MRAP2: variants seen among roughly 807,000 people sequenced by gnomAD.
The protein encoded by MRAP2 is melanocortin 2 receptor accessory protein 2.
In MRAP2, 20 loss-of-function variants were observed where a neutral mutation model predicts 17.4. The ratio of observed to expected loss-of-function variants is 1.15; its 90% CI spans 0.81 to 1.67. The LOEUF is 1.67. Ranked by LOEUF, MRAP2 falls within the 40% of genes most tolerant of loss-of-function variation. The probability of loss-of-function intolerance (pLI) is 0.00; values close to 1 mark genes in which losing one functional copy is unlikely to be tolerated. For synonymous variants in MRAP2, 96 were observed against 88.4 expected (o/e 1.09, Z -0.48); for missense variants, 238 against 240.0 (o/e 0.99, Z 0.05).
chr6:84,085,279 C>T (rs1588661612), intron 3 of MRAP2, among the ~76,000 whole-genome samples: 1 of 152,120 alleles, frequency 6.6e-6, no homozygotes, highest in Non-Finnish European at 1.5e-5. Context: ...TGGTCTCGAT[C>T]TCCTGACCTC....
At chr6:84,040,220 A>C (rs758026661) in intron 1 of MRAP2, among the ~76,000 whole-genome samples, 7 of 152,168 alleles carry the variant, frequency 4.6e-5, no homozygotes, top group Admixed American at 1.3e-4. Flanking sequence ...CGCTATGTAA[A>C]GAAGGATGTG....
chr6:84,080,391 C>T (rs981996504), intron 3 of MRAP2, among the ~76,000 whole-genome samples: 20 of 152,106 alleles, frequency 1.3e-4, no homozygotes, highest in Non-Finnish European at 2.8e-4. Flanking sequence ...TTCACATTTC[C>T]CTCTTTTGCT....
intron 1 of MRAP2, chr6:84,052,940 T>G (rs1171690625): frequency 8.1e-6 from 2 of 246,290 alleles, no homozygotes; most frequent in Non-Finnish European, 1.3e-5. Context: ...TGAAAGGGAA[T>G]AGTGTAAGGG....
intron 1 of MRAP2, among the ~76,000 whole-genome samples, chr6:84,039,876 G>A (rs1198422284): frequency 6.6e-6 from 1 of 152,098 alleles, no homozygotes; most frequent in Non-Finnish European, 1.5e-5. Flanking sequence ...GGTTGTAAAC[G>A]TTTTCTGTCT....
At chr6:84,105,455 A>G in the MRAP2 span, among the ~76,000 whole-genome samples, 6 of 152,140 alleles carry the variant, frequency 3.9e-5, no homozygotes, top group African/African-American at 1.4e-4. Context: ...TTTCAAAACC[A>G]TCAGATCTCA....
the MRAP2 span, among the ~76,000 whole-genome samples, chr6:84,096,934 C>T: frequency 1.3e-5 from 2 of 152,174 alleles, no homozygotes; most frequent in African/African-American, 4.8e-5. Flanking sequence ...TAGCAGCATG[C>T]ATTACAAACA....
At position 84,064,556 on chromosome 6, in the gene MRAP2, T is replaced by C. The variant is rs184938473; in HGVS notation, c.227+1564T>C. 8.5e-3 allele frequency among the ~76,000 whole-genome samples: 1,299 copies of C among 152,212 alleles called. 13 individuals are homozygous for C. The highest frequency in any genetic ancestry group is 0.012 in the Non-Finnish European group (835 of 68,010). ...AGGCTGGAGTGCAGTGGCGCCATCTTGGCTCACTGCAAGCTCCGCCTCCCG... is the reference window on the plus strand; with the variant it reads ...AGGCTGGAGTGCAGTGGCGCCATCTCGGCTCACTGCAAGCTCCGCCTCCCG... On this transcript the variant is annotated intron_variant, in intron 3 of 3. Transcript: ENST00000257776.
At chr6:84,103,122 ATAGTGAGTAGGCAGCTGAGTT>A in the MRAP2 span, among the ~76,000 whole-genome samples, 1 of 152,212 alleles carries the variant, frequency 6.6e-6, no homozygotes, top group Non-Finnish European at 1.5e-5. Flanking sequence ...ATGATGAAAC[ATAGTGAGTAGGCAGCTGAGTT>A]TAATGAGGAC....
chr6:84,057,229 A>C (rs1184823940), intron 2 of MRAP2, among the ~76,000 whole-genome samples: 1 of 152,218 alleles, frequency 6.6e-6, no homozygotes. Context: ...TTTCATTTAA[A>C]AATGCTGTGA....
intron 3 of MRAP2, among the ~76,000 whole-genome samples, chr6:84,072,930 C>T (rs2099496566): frequency 6.6e-6 from 1 of 152,176 alleles, no homozygotes; most frequent in Non-Finnish European, 1.5e-5. Context: ...ACCATGTCCC[C>T]ACTAACAGCC....
chr6:84,118,765 G>A, the MRAP2 span, among the ~76,000 whole-genome samples: 1 of 152,292 alleles, frequency 6.6e-6, no homozygotes, highest in Non-Finnish European at 1.5e-5. Flanking sequence ...GCAGACTGAC[G>A]CTGCTCAGAA....
At chr6:84,047,173 A>G (rs2099489256) in intron 1 of MRAP2, among the ~76,000 whole-genome samples, 1 of 151,802 alleles carries the variant, frequency 6.6e-6, no homozygotes, top group Non-Finnish European at 1.5e-5. Context: ...TTTTTAAATT[A>G]TTTGTATTAT....
At chr6:84,137,357 T>C in the MRAP2 span, among the ~76,000 whole-genome samples, 1 of 152,128 alleles carries the variant, frequency 6.6e-6, no homozygotes, top group African/African-American at 2.4e-5. Context: ...CCAGATCTTA[T>C]AAACCCTATG....
intron 3 of MRAP2, among the ~76,000 whole-genome samples, chr6:84,070,611 TTTGTTTAAATCCA>T (rs1333704682): frequency 7.2e-5 from 11 of 152,232 alleles, no homozygotes; most frequent in African/African-American, 2.4e-4. Flanking sequence ...GTAAAGTCCA[TTTGTTTAAATCCA>T]TTGTTTAAAT....
the MRAP2 span, among the ~76,000 whole-genome samples, chr6:84,128,722 T>TG: frequency 2.0e-5 from 3 of 152,114 alleles, no homozygotes; most frequent in African/African-American, 7.2e-5. Context: ...TACTTTGTTC[T>TG]GGGGTACATG....
the MRAP2 span, among the ~76,000 whole-genome samples, chr6:84,110,101 C>T: frequency 2.0e-5 from 3 of 152,118 alleles, no homozygotes; most frequent in Non-Finnish European, 4.4e-5. Flanking sequence ...ATTTATAATC[C>T]TTTGGGTATA....
the MRAP2 span, among the ~76,000 whole-genome samples, chr6:84,120,044 C>CAG: frequency 4.6e-5 from 7 of 152,236 alleles, 1 homozygote. Flanking sequence ...AAATGAAAGC[C>CAG]AGAGGTGTAG....
intron 3 of MRAP2, among the ~76,000 whole-genome samples, chr6:84,085,985 C>T (rs945805490): frequency 6.6e-6 from 1 of 152,228 alleles, no homozygotes; most frequent in African/African-American, 2.4e-5. Context: ...GCAGAGAGCT[C>T]AAAGGGCTCA....
chr6:84,039,324 A>T (rs945767928), intron 1 of MRAP2, among the ~76,000 whole-genome samples: 1 of 152,184 alleles, frequency 6.6e-6, no homozygotes, highest in Non-Finnish European at 1.5e-5. Context: ...AGGGAATGAG[A>T]TGTGTTTGAA....
Sources: allele counts gnomAD v4.1 joint callset (sites outside exome capture counted in the v4.1 genomes callset), GRCh38; gene constraint gnomAD v4.1.1; transcripts MANE v1.5; gene names NCBI Gene and HGNC (gene_info 2026-07-23, HGNC 2026-07-21).